The following NLGN4X variants were observed in gnomAD, a reference collection of about 807,000 sequenced individuals.
The protein encoded by NLGN4X is neuroligin-4, X-linked.
In NLGN4X, 3 loss-of-function variants were observed where a neutral mutation model predicts 40.3. The ratio of observed to expected loss-of-function variants is 0.07; its 90% CI spans 0.03 to 0.19. NLGN4X has a LOEUF of 0.19. Among genes scored for constraint, NLGN4X ranks in the 10% least tolerant of loss-of-function variants. NLGN4X has a pLI of 1.00. For synonymous variants in NLGN4X, 270 were observed against 306.8 expected, an observed-to-expected ratio of 0.88 and a Z score of 1.25; for missense variants, 382 against 708.3, an observed-to-expected ratio of 0.54 and a Z score of 5.23.
chrX:5,991,615 G>A (rs892630117), intron 3 of NLGN4X: 30 of 438,098 alleles, frequency 6.8e-5, no homozygotes, highest in South Asian at 3.2e-5. Context: ...AGCATGCAGT[G>A]TTCAGAGGAA....
chrX:6,226,789 C>T (rs1602462574), intron 1 of NLGN4X: 2 of 120,339 alleles, frequency 1.7e-5, no homozygotes, highest in Admixed American at 9.2e-5. Context: ...GAGTGGAGGG[C>T]GCAGGCCGGG....
intron 1 of NLGN4X, chrX:6,226,547 G>A (rs1398407527): frequency 8.9e-6 from 1 of 111,986 alleles, no homozygotes; most frequent in African/African-American, 3.3e-5. Flanking sequence ...CTCGGGCCCA[G>A]GGTTGCACGG....
intron 1 of NLGN4X, among the ~76,000 whole-genome samples, chrX:6,175,348 A>G (rs893903562): frequency 6.3e-5 from 7 of 110,918 alleles, no homozygotes; most frequent in Admixed American, 4.9e-4. Flanking sequence ...TATGAAATAT[A>G]ATCATTTTAT....
At chrX:6,031,878 A>G (rs756251040) in intron 2 of NLGN4X, among the ~76,000 whole-genome samples, 1 of 110,568 alleles carries the variant, frequency 9.0e-6, no homozygotes, top group East Asian at 3.0e-4. Context: ...CCATCTTTTA[A>G]AAAAAAATCC....
rs2031216634 is a variant in NLGN4X at position 5,892,258 on chromosome X, G to GATTTCGCTGCACAGAACCA, written c.*558_*559insTGGTTCTGTGCAGCGAAAT. On this transcript the variant is annotated 3_prime_UTR_variant, in exon 6 of 6. Transcript: ENST00000381095. ...GCAAAACACCTCTTTGCACAGAACC[G>GATTTCGCTGCACAGAACCA]TACAGATTTCGCTGCACAGTCCATT... The GATTTCGCTGCACAGAACCA allele has an allele frequency of 1.5e-5, 2 of 135,797 alleles. No homozygotes were observed. The highest frequency in any genetic ancestry group is 6.5e-5 in the African/African-American group (2 of 30,764). 11.2% of individuals were successfully genotyped at this position (135,797 alleles called of 1,213,427 possible).
intron 2 of NLGN4X, among the ~76,000 whole-genome samples, chrX:6,065,504 A>T (rs1191737249): frequency 9.0e-6 from 1 of 111,520 alleles, no homozygotes; most frequent in African/African-American, 3.3e-5. Flanking sequence ...GAGAAAGGAA[A>T]CTATGAAACC....
chrX:6,210,634 A>C (rs376272104), intron 1 of NLGN4X, among the ~76,000 whole-genome samples: 2 of 112,044 alleles, frequency 1.8e-5, no homozygotes, highest in Non-Finnish European at 3.8e-5. Flanking sequence ...AAGACTGTGC[A>C]TTACGGAAAA....
At chrX:6,072,290 T>A (rs1413004787) in intron 2 of NLGN4X, among the ~76,000 whole-genome samples, 1 of 111,428 alleles carries the variant, frequency 9.0e-6, no homozygotes, top group Non-Finnish European at 1.9e-5. Flanking sequence ...CTAATAGCCC[T>A]GCAACTAACC....
At chrX:5,917,566 T>C (rs947082024) in intron 3 of NLGN4X, among the ~76,000 whole-genome samples, 3 of 111,965 alleles carry the variant, frequency 2.7e-5, no homozygotes, top group African/African-American at 9.8e-5. Context: ...TTTCTTTATA[T>C]GTGAAATGGG....
At chrX:6,164,649 C>T (rs781484544) in intron 1 of NLGN4X, among the ~76,000 whole-genome samples, 21 of 111,357 alleles carry the variant, frequency 1.9e-4, no homozygotes, top group Non-Finnish European at 3.0e-4. Context: ...AGCTTCATAA[C>T]CACTGCCCAT....
At chrX:6,098,467 T>A (rs2038832674) in intron 2 of NLGN4X, among the ~76,000 whole-genome samples, 1 of 111,680 alleles carries the variant, frequency 9.0e-6, no homozygotes, top group Non-Finnish European at 1.9e-5. Context: ...GTTGCCTTTG[T>A]GTCTCCAAGG....
intron 2 of NLGN4X, among the ~76,000 whole-genome samples, chrX:6,105,966 T>C (rs2039022841): frequency 3.6e-5 from 4 of 111,791 alleles, no homozygotes; most frequent in South Asian, 3.8e-4. Flanking sequence ...GATCCACCAA[T>C]GGGGATCTGA....
At chrX:6,105,370 T>C (rs1273487674) in intron 2 of NLGN4X, among the ~76,000 whole-genome samples, 1 of 111,582 alleles carries the variant, frequency 9.0e-6, no homozygotes, top group Non-Finnish European at 1.9e-5. Flanking sequence ...CACATTTATG[T>C]AATTTAGAAT....
chrX:6,223,331 G>C (rs932165397), intron 1 of NLGN4X, among the ~76,000 whole-genome samples: 2 of 111,107 alleles, frequency 1.8e-5, no homozygotes, highest in African/African-American at 6.6e-5. Flanking sequence ...TCTAAAGTTT[G>C]AAATCTCAGC....
intron 3 of NLGN4X, among the ~76,000 whole-genome samples, chrX:5,992,193 G>T (rs2035702289): frequency 8.9e-6 from 1 of 112,364 alleles, no homozygotes; most frequent in African/African-American, 3.2e-5. Context: ...GACACAAAGA[G>T]AGATTACATA....
intron 3 of NLGN4X, among the ~76,000 whole-genome samples, chrX:6,019,999 T>C (rs2036491567): frequency 8.9e-6 from 1 of 112,338 alleles, no homozygotes; most frequent in African/African-American, 3.2e-5. Flanking sequence ...TGGTTATGCA[T>C]GTAAAAATAA....
At chrX:5,980,977 T>C (rs1226990537) in intron 3 of NLGN4X, among the ~76,000 whole-genome samples, 2 of 111,785 alleles carry the variant, frequency 1.8e-5, no homozygotes, top group African/African-American at 6.5e-5. Flanking sequence ...AAAGAGTCTG[T>C]AGATTAATTT....
At chrX:5,901,163 A>G (rs1295526098) in intron 5 of NLGN4X, among the ~76,000 whole-genome samples, 1 of 111,442 alleles carries the variant, frequency 9.0e-6, no homozygotes, top group Non-Finnish European at 1.9e-5. Context: ...GGCACAAAAC[A>G]TTCTCAAACC....
intron 2 of NLGN4X, among the ~76,000 whole-genome samples, chrX:6,126,765 T>C (rs2039557610): frequency 1.8e-5 from 2 of 112,109 alleles, no homozygotes; most frequent in African/African-American, 3.2e-5. Flanking sequence ...GACAGAAGAA[T>C]GTTGCAGATT....
Sources: gnomAD v4.1 joint callset for allele counts (sites outside exome capture counted in the v4.1 genomes callset) on GRCh38, gnomAD v4.1.1 for gene constraint, MANE v1.5 for transcripts, NCBI Gene and HGNC (gene_info 2026-07-23, HGNC 2026-07-21) for gene names.